The following SLC25A21 variants were observed in gnomAD, a reference collection of about 807,000 sequenced individuals.
The protein encoded by SLC25A21 is solute carrier family 25 member 21, also known as mitochondrial 2-oxodicarboxylate carrier.
Under a neutral mutation model 43.8 loss-of-function variants are expected in SLC25A21, and 47 were observed. The ratio of observed to expected loss-of-function variants is 1.07; its 90% CI spans 0.85 to 1.37. SLC25A21 has a LOEUF of 1.37. Ranked by LOEUF, SLC25A21 falls within the 40% of genes most tolerant of loss-of-function variation. The pLI is 0.00. For missense variants in SLC25A21, 352 were observed against 350.2 expected, an observed-to-expected ratio of 1.00 and a Z score of -0.04; for synonymous variants, 131 against 121.3, an observed-to-expected ratio of 1.08 and a Z score of -0.52.
chr14:36,985,182 G>T (rs1225403978), intron 1 of SLC25A21, among the ~76,000 whole-genome samples: 1 of 144,026 alleles, frequency 6.9e-6, no homozygotes, highest in African/African-American at 2.6e-5. Flanking sequence ...GTTGTGGGAT[G>T]GGGGGAGGGG....
intron 1 of SLC25A21, among the ~76,000 whole-genome samples, chr14:37,029,632 C>T (rs1277323307): frequency 1.3e-5 from 2 of 152,028 alleles, no homozygotes; most frequent in East Asian, 1.9e-4. Context: ...CTGGAAGTCA[C>T]TTGTCTTACT....
At chr14:36,801,116 G>A (rs951929646) in intron 3 of SLC25A21, among the ~76,000 whole-genome samples, 1 of 152,102 alleles carries the variant, frequency 6.6e-6, no homozygotes, top group African/African-American at 2.4e-5. Flanking sequence ...TGAAGACCTG[G>A]GGTGCTTACA....
At chr14:36,801,986 G>T (rs1044890511) in intron 3 of SLC25A21, among the ~76,000 whole-genome samples, 1 of 152,152 alleles carries the variant, frequency 6.6e-6, no homozygotes. Context: ...GCGGCGAAGT[G>T]CCCGAATCTA....
chr14:36,719,849 G>A (rs914733884), intron 6 of SLC25A21, among the ~76,000 whole-genome samples: 2 of 152,200 alleles, frequency 1.3e-5, no homozygotes, highest in Non-Finnish European at 2.9e-5. Flanking sequence ...CTGGGTACAG[G>A]ATCAGAGAGG....
chr14:37,147,593 G>A (rs1024531633), intron 1 of SLC25A21, among the ~76,000 whole-genome samples: 1 of 150,882 alleles, frequency 6.6e-6, no homozygotes, highest in Non-Finnish European at 1.5e-5. Context: ...AATGCCCTAG[G>A]GCTTAGAGCT....
chr14:36,828,692 C>A (rs528221681), intron 2 of SLC25A21: 5 of 152,364 alleles, frequency 3.3e-5, no homozygotes, highest in Non-Finnish European at 5.9e-5. Flanking sequence ...TGGGATTGTA[C>A]TGTGACTCTG....
At chr14:36,784,179 G>A (rs758190105) in intron 3 of SLC25A21, among the ~76,000 whole-genome samples, 15 of 152,142 alleles carry the variant, frequency 9.9e-5, no homozygotes, top group Non-Finnish European at 5.9e-5. Flanking sequence ...GGAATGTTTC[G>A]ATCAAGCTGT....
intron 1 of SLC25A21, among the ~76,000 whole-genome samples, chr14:36,889,362 T>C (rs1042889425): frequency 5.9e-5 from 9 of 152,190 alleles, no homozygotes; most frequent in African/African-American, 2.2e-4. Context: ...AAGAACAATA[T>C]TTGGATACCA....
intron 1 of SLC25A21, among the ~76,000 whole-genome samples, chr14:36,958,366 AT>A (rs1246098049): frequency 2.0e-5 from 3 of 152,198 alleles, no homozygotes; most frequent in African/African-American, 4.8e-5. Flanking sequence ...ATTTCACATT[AT>A]AAAAAGTAAA....
At chr14:36,908,472 A>G (rs1891593236) in intron 1 of SLC25A21, among the ~76,000 whole-genome samples, 1 of 152,176 alleles carries the variant, frequency 6.6e-6, no homozygotes, top group Admixed American at 6.5e-5. Context: ...ACTAAATGAG[A>G]TGGCCAAGTC....
At chr14:37,044,927 T>A (rs559176559) in intron 1 of SLC25A21, among the ~76,000 whole-genome samples, 1 of 152,352 alleles carries the variant, frequency 6.6e-6, no homozygotes, top group Admixed American at 6.5e-5. Context: ...TTATTCCAAC[T>A]GAAGAAATCT....
intron 1 of SLC25A21, among the ~76,000 whole-genome samples, chr14:36,981,158 G>C (rs374158022): frequency 1.3e-5 from 2 of 152,138 alleles, no homozygotes; most frequent in Non-Finnish European, 2.9e-5. Flanking sequence ...ACACCAGTTA[G>C]AATGGTGATC....
intron 1 of SLC25A21, among the ~76,000 whole-genome samples, chr14:37,171,163 T>G: frequency 6.8e-6 from 1 of 147,424 alleles, no homozygotes; most frequent in African/African-American, 2.5e-5. Flanking sequence ...GGGGAAAGAT[T>G]TTACAATTTC....
Position 36,918,858 on chromosome 14 carries a change from G to A in SLC25A21, c.71-43854C>T, listed in dbSNP as rs772531790. 5.5e-4 allele frequency among the ~76,000 whole-genome samples: 83 copies of A among 151,972 alleles called. 2 individuals are homozygous for A. The highest frequency in any genetic ancestry group is 1.6e-4 in the Non-Finnish European group (11 of 67,956). ...AGAGAAGCTGTAAAAGGAAAAGCCC[G>A]AAAGATCCTTTTAAGTGTAAGACAC... On this transcript the variant is annotated intron_variant, in intron 1 of 9. Transcript: ENST00000331299.
chr14:36,942,082 G>A (rs1892574878), intron 1 of SLC25A21, among the ~76,000 whole-genome samples: 1 of 151,648 alleles, frequency 6.6e-6, no homozygotes, highest in Admixed American at 6.6e-5. Context: ...TATTACACGT[G>A]TTTAATTTTC....
intron 1 of SLC25A21, among the ~76,000 whole-genome samples, chr14:36,976,997 A>G (rs1959889478): frequency 6.6e-6 from 1 of 152,190 alleles, no homozygotes; most frequent in South Asian, 2.1e-4. Context: ...GCTATTCAGG[A>G]AATGCAGAAT....
intron 3 of SLC25A21, among the ~76,000 whole-genome samples, chr14:36,742,050 C>G (rs1483676385): frequency 6.6e-6 from 1 of 152,170 alleles, no homozygotes; most frequent in Non-Finnish European, 1.5e-5. Flanking sequence ...CTTCAGGCAT[C>G]CTCCTGATTT....
intron 3 of SLC25A21, among the ~76,000 whole-genome samples, chr14:36,758,502 T>C (rs1489735520): frequency 6.6e-6 from 1 of 151,554 alleles, no homozygotes; most frequent in Non-Finnish European, 1.5e-5. Context: ...CCGGGCATGT[T>C]TGGAGATACT....
At chr14:36,940,190 T>A (rs7141518) in intron 1 of SLC25A21, among the ~76,000 whole-genome samples, 10,453 of 152,190 alleles carry the variant, frequency 0.069, 509 homozygotes, top group Middle Eastern at 0.16. Flanking sequence ...AATCTGTTCA[T>A]ACATTACTTT....
Sources: gnomAD v4.1 joint callset for allele counts (sites outside exome capture counted in the v4.1 genomes callset) on GRCh38, gnomAD v4.1.1 for gene constraint, MANE v1.5 for transcripts, NCBI Gene and HGNC (gene_info 2026-07-23, HGNC 2026-07-21) for gene names.